Variants in LOC128462377 observed in about 807,000 individuals in gnomAD.
the LOC128462377 span, chr16:89,372,772 C>G: frequency 2.0e-5 from 3 of 152,108 alleles, no homozygotes; most frequent in African/African-American, 7.2e-5. Context: ...GAAGATATTC[C>G]CCACGCAAAG....
chr16:89,363,593 T>G, the LOC128462377 span, among the ~76,000 whole-genome samples: 1 of 152,216 alleles, frequency 6.6e-6, no homozygotes, highest in Admixed American at 6.5e-5. Context: ...CACCAAAACT[T>G]TCTTTGCATT....
the LOC128462377 span, among the ~76,000 whole-genome samples, chr16:89,328,112 T>G: frequency 6.6e-6 from 1 of 151,878 alleles, no homozygotes; most frequent in Non-Finnish European, 1.5e-5. Context: ...GCACTCGACA[T>G]CCTAAGCCGT....
chr16:89,319,780 C>T, the LOC128462377 span, among the ~76,000 whole-genome samples: 2 of 152,230 alleles, frequency 1.3e-5, no homozygotes, highest in Non-Finnish European at 2.9e-5. Context: ...AGGCACCAGG[C>T]GTGCAGCACG....
the LOC128462377 span, among the ~76,000 whole-genome samples, chr16:89,317,419 A>G: frequency 6.6e-6 from 1 of 152,200 alleles, no homozygotes; most frequent in African/African-American, 2.4e-5. Context: ...GCTACACCCA[A>G]AACGGTCAGG....
At chr16:89,370,222 C>T in the LOC128462377 span, among the ~76,000 whole-genome samples, 2 of 152,206 alleles carry the variant, frequency 1.3e-5, no homozygotes, top group Non-Finnish European at 1.5e-5. Context: ...AGGACTCAGG[C>T]GAGGGGAGCC....
chr16:89,327,081 T>TGGAAATGCAGAGGGG, the LOC128462377 span, among the ~76,000 whole-genome samples: 2 of 142,190 alleles, frequency 1.4e-5, no homozygotes, highest in Non-Finnish European at 3.1e-5. Flanking sequence ...ATGCAGAGGT[T>TGGAAATGCAGAGGGG]GGAAATGCAG....
At chr16:89,386,769 T>C in the LOC128462377 span, among the ~76,000 whole-genome samples, 1 of 152,168 alleles carries the variant, frequency 6.6e-6, no homozygotes, top group South Asian at 2.1e-4. Flanking sequence ...AATAGCACTG[T>C]AGAATCCTTC....
the LOC128462377 span, among the ~76,000 whole-genome samples, chr16:89,394,112 G>T: frequency 1.3e-5 from 2 of 152,142 alleles, no homozygotes; most frequent in African/African-American, 2.4e-5. Flanking sequence ...ACAGTCCCAG[G>T]TTCCAGGCAG....
At chr16:89,370,302 G>A in the LOC128462377 span, among the ~76,000 whole-genome samples, 1 of 152,318 alleles carries the variant, frequency 6.6e-6, no homozygotes, top group South Asian at 2.1e-4. Flanking sequence ...CTCTGAGGAT[G>A]AGAAGATGTT....
the LOC128462377 span, among the ~76,000 whole-genome samples, chr16:89,335,971 G>A: frequency 6.6e-6 from 1 of 152,226 alleles, no homozygotes; most frequent in Non-Finnish European, 1.5e-5. Context: ...GCTTCAAGAT[G>A]CCCTGTGACT....
At chr16:89,373,638 T>C in the LOC128462377 span, among the ~76,000 whole-genome samples, 3 of 152,238 alleles carry the variant, frequency 2.0e-5, no homozygotes, top group Non-Finnish European at 4.4e-5. Flanking sequence ...TCCCACGAGC[T>C]GCTTTACTTC....
the LOC128462377 span, among the ~76,000 whole-genome samples, chr16:89,401,334 C>T: frequency 6.6e-6 from 1 of 152,092 alleles, no homozygotes; most frequent in African/African-American, 2.4e-5. Context: ...ACCTTGGCCT[C>T]CCAAAGTGCT....
At chr16:89,416,842 C>T in the LOC128462377 span, among the ~76,000 whole-genome samples, 1 of 152,106 alleles carries the variant, frequency 6.6e-6, no homozygotes, top group African/African-American at 2.4e-5. Flanking sequence ...TCAGCAGTAT[C>T]CTTTTCACAA....
the LOC128462377 span, among the ~76,000 whole-genome samples, chr16:89,341,248 G>A: frequency 6.6e-6 from 1 of 152,208 alleles, no homozygotes; most frequent in Non-Finnish European, 1.5e-5. Context: ...AGCAGACCCG[G>A]TTTGGAAACA....
chr16:89,321,561 G>A, the LOC128462377 span, among the ~76,000 whole-genome samples: 52 of 152,124 alleles, frequency 3.4e-4, no homozygotes, highest in East Asian at 5.4e-3. Flanking sequence ...GGGAGTCCGT[G>A]GACCATGGAG....
chr16:89,364,041 G>A, the LOC128462377 span, among the ~76,000 whole-genome samples: 4 of 151,506 alleles, frequency 2.6e-5, no homozygotes, highest in Admixed American at 6.6e-5. Flanking sequence ...TTCCTGCCCA[G>A]CCGACCAAGT....
At chr16:89,407,482 G>A in the LOC128462377 span, among the ~76,000 whole-genome samples, 1 of 152,040 alleles carries the variant, frequency 6.6e-6, no homozygotes, top group Non-Finnish European at 1.5e-5. Context: ...AACCACGTTC[G>A]CCTCGTCAGG....
chr16:89,343,601 T>C, the LOC128462377 span: 1 of 152,214 alleles, frequency 6.6e-6, no homozygotes, highest in African/African-American at 2.4e-5. Flanking sequence ...ATTCACCTCG[T>C]TCAGAACCTC....
chr16:89,401,315 G>A, the LOC128462377 span, among the ~76,000 whole-genome samples: 1 of 152,030 alleles, frequency 6.6e-6, no homozygotes, highest in African/African-American at 2.4e-5. Context: ...CTGACCTCGT[G>A]ATCCACCCAC....
Sources: allele counts gnomAD v4.1 joint callset (sites outside exome capture counted in the v4.1 genomes callset), GRCh38; gene constraint gnomAD v4.1.1; transcripts MANE v1.5.